The following SGPP2 variants were observed in gnomAD, a reference collection of about 807,000 sequenced individuals.
SGPP2 encodes sphingosine 1-phosphate phosphohydrolase 2.
SGPP2 carries 30 observed loss-of-function variants against 33.9 expected under a neutral mutation model. The ratio of observed to expected loss-of-function variants is 0.89; its 90% CI spans 0.66 to 1.20. The LOEUF is 1.20. Among genes scored for constraint, SGPP2 ranks in the 50% most tolerant of loss-of-function variants. The pLI is 0.00. For missense variants in SGPP2, 458 were observed against 532.1 expected (o/e 0.86, Z 1.37); for synonymous variants, 233 against 225.0 (o/e 1.04, Z -0.32).
intron 1 of SGPP2, among the ~76,000 whole-genome samples, chr2:222,438,439 T>G (rs1341756896): frequency 1.3e-5 from 2 of 152,164 alleles, no homozygotes; most frequent in Non-Finnish European, 1.5e-5. Context: ...CAAATAAGAT[T>G]ATGACACAAA....
intron 1 of SGPP2, among the ~76,000 whole-genome samples, chr2:222,448,591 C>T (rs780443030): frequency 1.3e-5 from 2 of 152,162 alleles, no homozygotes; most frequent in South Asian, 4.1e-4. Context: ...GCTTAATAAG[C>T]GCTGTGTTGT....
intron 2 of SGPP2, among the ~76,000 whole-genome samples, chr2:222,516,852 A>T (rs1219215457): frequency 2.0e-5 from 3 of 152,224 alleles, no homozygotes; most frequent in African/African-American, 7.2e-5. Context: ...GTCACTTTCT[A>T]CGTGCCAGGT....
intron 1 of SGPP2, among the ~76,000 whole-genome samples, chr2:222,466,230 T>C (rs1697742399): frequency 6.6e-6 from 1 of 151,586 alleles, no homozygotes; most frequent in South Asian, 2.1e-4. Context: ...GGCCCCTGTT[T>C]GGAAAAACTT....
chr2:222,430,254 C>T (rs1445228389), intron 1 of SGPP2, among the ~76,000 whole-genome samples: 1 of 152,088 alleles, frequency 6.6e-6, no homozygotes, highest in Non-Finnish European at 1.5e-5. Flanking sequence ...CCTGGATTCT[C>T]ATGTGCTAGA....
chr2:222,428,794 T>C (rs969174622), intron 1 of SGPP2, among the ~76,000 whole-genome samples: 1 of 140,874 alleles, frequency 7.1e-6, no homozygotes, highest in Non-Finnish European at 1.5e-5. Context: ...TCTTTTTTTT[T>C]TTTTTTTTTT....
chr2:222,494,422 C>G (rs544299586), intron 2 of SGPP2, among the ~76,000 whole-genome samples: 1 of 152,196 alleles, frequency 6.6e-6, no homozygotes, highest in African/African-American at 2.4e-5. Flanking sequence ...CAAATATACT[C>G]CTTATGAAAT....
At chr2:222,478,781 C>A (rs1697988034) in intron 2 of SGPP2, among the ~76,000 whole-genome samples, 1 of 121,614 alleles carries the variant, frequency 8.2e-6, no homozygotes, top group African/African-American at 4.2e-5. Flanking sequence ...TCTGAAGTAG[C>A]TTAGCAGAAT....
intron 1 of SGPP2, among the ~76,000 whole-genome samples, chr2:222,440,945 G>A (rs1190598902): frequency 6.6e-6 from 1 of 152,180 alleles, no homozygotes; most frequent in African/African-American, 2.4e-5. Context: ...TTTCATGCCT[G>A]CTGCATGACT....
chr2:222,496,373 T>C (rs1049424768), intron 2 of SGPP2, among the ~76,000 whole-genome samples: 1 of 152,226 alleles, frequency 6.6e-6, no homozygotes, highest in Non-Finnish European at 1.5e-5. Flanking sequence ...TTACCTTGTA[T>C]GGACCCTGGA....
chr2:222,545,358 T>C (rs1457185817), intron 4 of SGPP2, among the ~76,000 whole-genome samples: 1 of 151,668 alleles, frequency 6.6e-6, no homozygotes, highest in Non-Finnish European at 1.5e-5. Context: ...CTTGGCTCAC[T>C]GCAACCTCCT....
Position 222,424,682 on chromosome 2 carries a change from C to T in SGPP2, c.80C>T (p.Pro27Leu). The T allele has an allele frequency of 6.9e-7, 1 of 1,448,770 alleles. No homozygotes were observed. Among genetic ancestry groups the T allele is most frequent in the Middle Eastern group, 2.4e-4 (1 of 4,164 alleles). 89.7% of individuals were successfully genotyped at this position (1,448,770 alleles called of 1,614,324 possible). A position where few individuals can be genotyped will look rare whatever the true frequency, so the allele number is the denominator to read the frequency against. ...FQRRCGLFPA[P>L]DEGPRENGAD... ...CGCCGCTGCGGGCTCTTCCCCGCTCCGGATGAAGGCCCCCGGGAGAACGGC... is the reference window on the plus strand; with the variant it reads ...CGCCGCTGCGGGCTCTTCCCCGCTCTGGATGAAGGCCCCCGGGAGAACGGC... Residue 27 changes from proline to leucine, a missense_variant, in exon 1 of 5, where the codon CCG (proline) becomes CTG (leucine). Physicochemically the swap from Pro to Leu is moderately conservative, Grantham distance 98. Coordinates refer to ENST00000321276, the MANE Select transcript of SGPP2 (RefSeq NM_152386.4).
intron 2 of SGPP2, among the ~76,000 whole-genome samples, chr2:222,493,143 C>T (rs1698223480): frequency 6.6e-6 from 1 of 152,124 alleles, no homozygotes; most frequent in South Asian, 2.1e-4. Flanking sequence ...ACTTTGGTAC[C>T]AATTTACTGT....
chr2:222,455,400 C>G (rs1342348694), intron 1 of SGPP2, among the ~76,000 whole-genome samples: 3 of 151,944 alleles, frequency 2.0e-5, no homozygotes, highest in African/African-American at 4.8e-5. Flanking sequence ...GTGCTTAGGA[C>G]AAAGCTCAGG....
chr2:222,534,640 A>G (rs1036562354), intron 4 of SGPP2, among the ~76,000 whole-genome samples: 3 of 152,090 alleles, frequency 2.0e-5, no homozygotes, highest in African/African-American at 7.2e-5. Flanking sequence ...TTAACATGGG[A>G]AAAAAAGCCG....
At chr2:222,497,489 C>T (rs765462605) in intron 2 of SGPP2, among the ~76,000 whole-genome samples, 35 of 152,270 alleles carry the variant, frequency 2.3e-4, no homozygotes, top group Middle Eastern at 3.4e-3. Flanking sequence ...TCAAGTGATC[C>T]ACCTGCCTTG....
intron 2 of SGPP2, among the ~76,000 whole-genome samples, chr2:222,512,241 G>T (rs897105682): frequency 9.2e-5 from 14 of 152,084 alleles, no homozygotes; most frequent in African/African-American, 2.9e-4. Flanking sequence ...TCAATCTCCT[G>T]ACCTCGTGAT....
In SGPP2 at chr2:222,436,610, C is replaced by T. The variant is rs575491610; in HGVS notation, c.219+11789C>T. Among the ~76,000 whole-genome samples, 6 of 152,206 alleles carry T rather than the reference C, an allele frequency of 3.9e-5. No homozygotes were observed. The East Asian group carries it at 7.7e-4, about 20-fold the overall frequency. On this transcript the variant is annotated intron_variant, in intron 1 of 4. Transcript: ENST00000321276. ...GAGCCCACTGCCATACTTCTTTAGC[C>T]GTAAAGTGAATGCGTTGGTCAGAGG...
intron 2 of SGPP2, among the ~76,000 whole-genome samples, chr2:222,509,469 A>G (rs184946963): frequency 2.6e-5 from 4 of 152,342 alleles, no homozygotes; most frequent in African/African-American, 7.2e-5. Flanking sequence ...AAAGCCTCCA[A>G]AGCTAAAAGT....
At position 222,477,792 on chromosome 2, in the gene SGPP2, C is replaced by A. The variant is rs1697970329; in HGVS notation, c.378+3066C>A. ...TCTATAGAAGGCTGTGGCTAGGGGA[C>A]ACTCTCGTTGCCATTATTGGTGGTT... is the stretch of plus-strand genomic sequence containing the variant. On this transcript the variant is annotated intron_variant, in intron 2 of 4. Transcript: ENST00000321276. The surrounding 1 kb of genome is among the most constrained non-coding windows in gnomAD (Gnocchi z 6.0). Among the ~76,000 whole-genome samples the A allele has an allele frequency of 6.6e-6, 1 of 152,094 alleles. No homozygotes were observed. Among genetic ancestry groups the A allele is most frequent in the African/African-American group, 2.4e-5 (1 of 41,370 alleles).
Sources: allele counts gnomAD v4.1 joint callset (sites outside exome capture counted in the v4.1 genomes callset), GRCh38; gene constraint gnomAD v4.1.1; non-coding constraint Gnocchi (gnomAD v3.1); transcripts MANE v1.5; gene names NCBI Gene and HGNC (gene_info 2026-07-23, HGNC 2026-07-21).